Variants in PLD5 observed in about 807,000 individuals in gnomAD.
The protein encoded by PLD5 is inactive phospholipase D5.
Under a neutral mutation model 61.1 loss-of-function variants are expected in PLD5, and 36 were observed. The observed-to-expected ratio is 0.59, with a 90% CI of 0.45 to 0.78. The LOEUF (loss-of-function observed/expected upper bound fraction) is 0.78. Among genes scored for constraint, PLD5 ranks in the 30% least tolerant of loss-of-function variants. The pLI, the probability that PLD5 is intolerant of heterozygous loss-of-function variation, is 0.00. For synonymous variants in PLD5, 243 were observed against 242.8 expected (o/e 1.00, Z -0.01); for missense variants, 515 against 644.4 (o/e 0.80, Z 2.17).
intron 5 of PLD5, among the ~76,000 whole-genome samples, chr1:242,169,653 G>A (rs949232502): frequency 6.6e-6 from 1 of 152,144 alleles, no homozygotes; most frequent in African/African-American, 2.4e-5. Context: ...CTAACCCCAT[G>A]GAGCCCAGCA....
chr1:242,523,313 C>T (rs1669336984), intron 1 of PLD5, among the ~76,000 whole-genome samples: 1 of 151,356 alleles, frequency 6.6e-6, no homozygotes, highest in Admixed American at 6.6e-5. Flanking sequence ...AAATTTGAAA[C>T]TGTGGATCCA....
chr1:242,485,978 T>G (rs1667945875), intron 1 of PLD5, among the ~76,000 whole-genome samples: 1 of 152,108 alleles, frequency 6.6e-6, no homozygotes, highest in African/African-American at 2.4e-5. Flanking sequence ...GATTCCCTAT[T>G]TAATAAATGG....
chr1:242,314,176 G>A (rs1676873441), intron 2 of PLD5, among the ~76,000 whole-genome samples: 1 of 152,140 alleles, frequency 6.6e-6, no homozygotes, highest in African/African-American at 2.4e-5. Flanking sequence ...ATCACCTCAA[G>A]GTCAAGTTTT....
intron 1 of PLD5, among the ~76,000 whole-genome samples, chr1:242,494,087 TC>T (rs1668275215): frequency 1.0e-5 from 1 of 99,072 alleles, no homozygotes; most frequent in Non-Finnish European, 1.9e-5. Context: ...TCCCCTGCCC[TC>T]CCTTCCCCTC....
intron 1 of PLD5, among the ~76,000 whole-genome samples, chr1:242,490,402 GTGTGCACA>G (rs1397358017): frequency 6.6e-5 from 10 of 152,180 alleles, no homozygotes; most frequent in South Asian, 2.1e-4. Context: ...TTGTAATTAT[GTGTGCACA>G]TACAAATTTT....
chr1:242,121,109 C>T (rs985512295), intron 6 of PLD5, among the ~76,000 whole-genome samples: 1 of 152,084 alleles, frequency 6.6e-6, no homozygotes, highest in Non-Finnish European at 1.5e-5. Context: ...GAATTAAATT[C>T]ATCTTGGCAT....
At chr1:242,399,464 A>T (rs533292029) in intron 1 of PLD5, among the ~76,000 whole-genome samples, 1 of 152,340 alleles carries the variant, frequency 6.6e-6, no homozygotes, top group South Asian at 2.1e-4. Flanking sequence ...AAAATGCCGG[A>T]TATGTAAAAT....
At chr1:242,221,144 T>C (rs1427451375) in intron 4 of PLD5, among the ~76,000 whole-genome samples, 1 of 152,204 alleles carries the variant, frequency 6.6e-6, no homozygotes, top group African/African-American at 2.4e-5. Context: ...ATGTGACCAA[T>C]TGTTTTAGGC....
At chr1:242,418,804 G>A (rs1438637830) in intron 1 of PLD5, among the ~76,000 whole-genome samples, 1 of 152,160 alleles carries the variant, frequency 6.6e-6, no homozygotes, top group Non-Finnish European at 1.5e-5. Context: ...CACTTCTGCT[G>A]TTTCTGAAAT....
At chr1:242,409,371 G>C (rs1263289351) in intron 1 of PLD5, among the ~76,000 whole-genome samples, 1 of 152,160 alleles carries the variant, frequency 6.6e-6, no homozygotes, top group East Asian at 1.9e-4. Flanking sequence ...AACTCCAACA[G>C]TAAGCATGGA....
At chr1:242,525,462 T>A (rs1413525963), upstream of PLD5, among the ~76,000 whole-genome samples, 1 of 152,226 alleles carries the variant, frequency 6.6e-6, no homozygotes, top group Admixed American at 6.5e-5. Context: ...GGGTCCAGGC[T>A]TTTCCTTCGG....
Position 242,471,464 on chromosome 1 carries a change from T to C in PLD5, c.189+52624A>G, listed in dbSNP as rs1572205577. 2.0e-5 allele frequency among the ~76,000 whole-genome samples: 3 copies of C among 152,158 alleles called. No homozygotes were observed. The East Asian group carries it at 5.8e-4, about 29-fold the overall frequency. On this transcript the variant is annotated intron_variant, in intron 1 of 9. Coordinates refer to ENST00000536534, the MANE Select transcript of PLD5 (RefSeq NM_001372062.1). ...TCACTTTGGTGCTTAGGAAGTTAAT[T>C]CCTGAGCGAAATGGGTTTAAAATAT...
At chr1:242,103,180 C>T (rs1041616793) in intron 8 of PLD5, among the ~76,000 whole-genome samples, 6 of 152,254 alleles carry the variant, frequency 3.9e-5, no homozygotes, top group Non-Finnish European at 5.9e-5. Context: ...ATAACAGGGG[C>T]TCCTCTGAGT....
intron 1 of PLD5, among the ~76,000 whole-genome samples, chr1:242,481,089 A>G (rs2102962409): frequency 6.6e-6 from 1 of 152,306 alleles, no homozygotes; most frequent in South Asian, 2.1e-4. Context: ...TGGAGCCAAG[A>G]TGGCCGAATA....
chr1:242,143,608 A>G (rs1664334697), intron 5 of PLD5, among the ~76,000 whole-genome samples: 1 of 152,174 alleles, frequency 6.6e-6, no homozygotes, highest in African/African-American at 2.4e-5. Flanking sequence ...GAAATATCAG[A>G]AATATAAACC....
intron 5 of PLD5, among the ~76,000 whole-genome samples, chr1:242,158,586 G>A (rs1000819444): frequency 1.3e-5 from 2 of 152,122 alleles, no homozygotes; most frequent in Admixed American, 6.5e-5. Context: ...CCAACCTCTT[G>A]CACTTCCCGG....
At chr1:242,374,990 GGA>G (rs1235172260) in intron 1 of PLD5, among the ~76,000 whole-genome samples, 1 of 152,126 alleles carries the variant, frequency 6.6e-6, no homozygotes, top group Non-Finnish European at 1.5e-5. Flanking sequence ...TTACACACAG[GGA>G]CAGCAATCAC....
intron 5 of PLD5, among the ~76,000 whole-genome samples, chr1:242,185,331 T>C (rs111636187): frequency 5.1e-4 from 78 of 151,916 alleles, no homozygotes; most frequent in Middle Eastern, 3.2e-3. Context: ...GGAGAAAGAG[T>C]GGGTATAAGC....
At chr1:242,321,761 G>A (rs1430569451) in intron 2 of PLD5, among the ~76,000 whole-genome samples, 3 of 152,070 alleles carry the variant, frequency 2.0e-5, no homozygotes, top group African/African-American at 7.2e-5. Flanking sequence ...GGTGGTTGGG[G>A]TAATCACTCT....
Sources: gnomAD v4.1 joint callset for allele counts (sites outside exome capture counted in the v4.1 genomes callset) on GRCh38, gnomAD v4.1.1 for gene constraint, MANE v1.5 for transcripts, NCBI Gene and HGNC (gene_info 2026-07-23, HGNC 2026-07-21) for gene names.